Variants in MYO5B observed in about 807,000 individuals in gnomAD.
MYO5B encodes unconventional myosin-Vb.
A neutral mutation model predicts 229.3 loss-of-function variants in MYO5B; 143 were observed. That is an observed-to-expected ratio of 0.62 (90% confidence interval 0.54 to 0.72). The LOEUF (loss-of-function observed/expected upper bound fraction) is 0.72. MYO5B is among the 30% of genes least tolerant of loss of function. The pLI, the probability that MYO5B is intolerant of heterozygous loss-of-function variation, is 0.00. For missense variants in MYO5B, 2,321 were observed against 2,331.0 expected, an observed-to-expected ratio of 1.00 and a Z score of 0.09; for synonymous variants, 918 against 885.2, an observed-to-expected ratio of 1.04 and a Z score of -0.66.
intron 25 of MYO5B, among the ~76,000 whole-genome samples, chr18:49,877,138 C>T (rs1240605935): frequency 1.3e-5 from 2 of 152,164 alleles, no homozygotes; most frequent in Non-Finnish European, 2.9e-5. Context: ...CGCGCACACA[C>T]ACGCGCGCAT....
chr18:50,051,902 G>A (rs1318330188), intron 2 of MYO5B, among the ~76,000 whole-genome samples: 3 of 152,166 alleles, frequency 2.0e-5, no homozygotes, highest in Admixed American at 6.5e-5. Context: ...GTGTTTAATG[G>A]GGACCAAGTT....
chr18:49,848,884 C>A (rs1237672563), intron 32 of MYO5B, among the ~76,000 whole-genome samples: 1 of 152,140 alleles, frequency 6.6e-6, no homozygotes, highest in African/African-American at 2.4e-5. Flanking sequence ...GGAGATTAAA[C>A]AGGTAAAATG....
chr18:50,085,204 T>A (rs893112244), intron 1 of MYO5B, among the ~76,000 whole-genome samples: 7 of 152,006 alleles, frequency 4.6e-5, no homozygotes, highest in Non-Finnish European at 8.8e-5. Flanking sequence ...CAATGAACTC[T>A]AACAAATTTA....
At chr18:49,838,511 C>T (rs906605545) in intron 36 of MYO5B, among the ~76,000 whole-genome samples, 1 of 152,168 alleles carries the variant, frequency 6.6e-6, no homozygotes, top group African/African-American at 2.4e-5. Context: ...CTAGATTGGT[C>T]CTTCTTGGGA....
At chr18:50,151,201 T>C (rs960785726) in intron 1 of MYO5B, among the ~76,000 whole-genome samples, 4 of 152,198 alleles carry the variant, frequency 2.6e-5, no homozygotes, top group African/African-American at 9.7e-5. Flanking sequence ...GAAAAAACAG[T>C]TCTGAAAAAT....
At chr18:49,961,059 A>T (rs989349953) in intron 12 of MYO5B, among the ~76,000 whole-genome samples, 2 of 152,192 alleles carry the variant, frequency 1.3e-5, no homozygotes, top group African/African-American at 2.4e-5. Context: ...ACTGGGGAAA[A>T]GGAGCATGAC....
At chr18:50,054,218 C>G (rs2030481998) in intron 2 of MYO5B, among the ~76,000 whole-genome samples, 1 of 152,156 alleles carries the variant, frequency 6.6e-6, no homozygotes, top group South Asian at 2.1e-4. Flanking sequence ...CCAGCTCCTT[C>G]CCAAAACCCC....
At chr18:50,104,449 G>C (rs1445542937) in intron 1 of MYO5B, among the ~76,000 whole-genome samples, 1 of 151,920 alleles carries the variant, frequency 6.6e-6, no homozygotes, top group Non-Finnish European at 1.5e-5. Context: ...TTTATTCAAT[G>C]AGGAAAATTT....
chr18:49,907,909 G>C (rs1177166259), intron 18 of MYO5B, among the ~76,000 whole-genome samples: 2 of 152,254 alleles, frequency 1.3e-5, no homozygotes, highest in Admixed American at 1.3e-4. Flanking sequence ...AGCTCATGCT[G>C]AGAGGAACAG....
chr18:50,034,304 C>A (rs192309166), intron 4 of MYO5B, among the ~76,000 whole-genome samples: 11 of 152,298 alleles, frequency 7.2e-5, no homozygotes, highest in Admixed American at 6.5e-4. Context: ...AGAGAAGACC[C>A]ATACAGGAAA....
At chr18:50,173,574 C>T (rs1021147029) in intron 1 of MYO5B, among the ~76,000 whole-genome samples, 2 of 152,204 alleles carry the variant, frequency 1.3e-5, no homozygotes, top group South Asian at 2.1e-4. Flanking sequence ...GGCCAGAGAT[C>T]GTGGTGGCTG....
At chr18:50,149,239 C>T (rs959165299) in intron 1 of MYO5B, among the ~76,000 whole-genome samples, 64 of 152,036 alleles carry the variant, frequency 4.2e-4, no homozygotes, top group Non-Finnish European at 7.4e-4. Context: ...GAATCAATAT[C>T]GTGAAAATGG....
chr18:50,092,263 T>A (rs1484335127), intron 1 of MYO5B, among the ~76,000 whole-genome samples: 1 of 152,204 alleles, frequency 6.6e-6, no homozygotes, highest in Non-Finnish European at 1.5e-5. Context: ...TAGTAGCAGA[T>A]GCAGCCCCAA....
chr18:49,965,459 A>T (rs559079310), intron 10 of MYO5B, among the ~76,000 whole-genome samples: 2 of 147,632 alleles, frequency 1.4e-5, no homozygotes, highest in South Asian at 2.1e-4. Context: ...TTCTTTTCAC[A>T]CACACACACA....
chr18:50,133,895 A>C (rs973151598), intron 1 of MYO5B, among the ~76,000 whole-genome samples: 3 of 152,228 alleles, frequency 2.0e-5, no homozygotes, highest in African/African-American at 7.2e-5. Context: ...AAAAGGGAGC[A>C]ATCTTTGAGA....
intron 17 of MYO5B, among the ~76,000 whole-genome samples, chr18:49,926,157 T>C (rs373964560): frequency 1.3e-5 from 2 of 152,220 alleles, no homozygotes; most frequent in African/African-American, 4.8e-5. Context: ...TCCTGAACAA[T>C]GCTGGGACCC....
At chr18:49,839,058 T>G (rs567070674) in intron 36 of MYO5B, 86 bp downstream of exon 36, 24 of 1,545,670 alleles carry the variant, frequency 1.6e-5, no homozygotes, top group Non-Finnish European at 2.0e-5. Context: ...GATATCTGGT[T>G]CCCGAAAGGC....
At chr18:49,834,425 G>A (rs573938544) in intron 39 of MYO5B, among the ~76,000 whole-genome samples, 31 of 152,288 alleles carry the variant, frequency 2.0e-4, no homozygotes, top group African/African-American at 7.5e-4. Context: ...TGGGAGAAGT[G>A]TGGCCTGTTT....
At chr18:49,873,381 C>A (rs2024478644) in intron 26 of MYO5B, among the ~76,000 whole-genome samples, 1 of 152,194 alleles carries the variant, frequency 6.6e-6, no homozygotes, top group African/African-American at 2.4e-5. Flanking sequence ...AGTCCTCCCA[C>A]TGTGGATGCA....
Sources: allele counts gnomAD v4.1 joint callset (sites outside exome capture counted in the v4.1 genomes callset), GRCh38; gene constraint gnomAD v4.1.1; transcripts MANE v1.5; gene names NCBI Gene and HGNC (gene_info 2026-07-23, HGNC 2026-07-21).